Variants in ZBTB20 observed in about 807,000 individuals in gnomAD.
ZBTB20 encodes the protein zinc finger and BTB domain containing 20.
In ZBTB20, 9 loss-of-function variants were observed where a neutral mutation model predicts 56.9. The ratio of observed to expected loss-of-function variants is 0.16; its 90% CI spans 0.10 to 0.28. The LOEUF (loss-of-function observed/expected upper bound fraction) is 0.28. ZBTB20 is among the 10% of genes least tolerant of loss of function. ZBTB20 has a pLI of 1.00. For synonymous variants in ZBTB20, 417 were observed against 420.7 expected (o/e 0.99, Z 0.11); for missense variants, 655 against 1,003.0 (o/e 0.65, Z 4.69).
chr3:114,479,700 C>T (rs16822800), intron 7 of ZBTB20, among the ~76,000 whole-genome samples: 4,478 of 152,246 alleles, frequency 0.029, 148 homozygotes, highest in East Asian at 0.1. Flanking sequence ...AATGGCTCAG[C>T]GTTCTAGAAA....
intron 7 of ZBTB20, among the ~76,000 whole-genome samples, chr3:114,409,489 C>T (rs776163866): frequency 6.6e-6 from 1 of 151,602 alleles, no homozygotes; most frequent in Non-Finnish European, 1.5e-5. Context: ...ACAGCAGGAA[C>T]AAACAGAAGC....
chr3:115,000,968 T>C (rs978547932), intron 2 of ZBTB20, among the ~76,000 whole-genome samples: 11 of 151,400 alleles, frequency 7.3e-5, no homozygotes, highest in Non-Finnish European at 1.5e-4. Context: ...CATGCTTATG[T>C]CTACATTTAG....
At chr3:114,842,636 T>C (rs1443997903) in intron 4 of ZBTB20, among the ~76,000 whole-genome samples, 1 of 152,154 alleles carries the variant, frequency 6.6e-6, no homozygotes. Flanking sequence ...AAGGAACACT[T>C]CTTAGAATAA....
At chr3:115,027,962 T>C (rs924896220) in intron 2 of ZBTB20, among the ~76,000 whole-genome samples, 4 of 150,882 alleles carry the variant, frequency 2.7e-5, no homozygotes, top group Non-Finnish European at 4.5e-5. Flanking sequence ...ATGTATAACA[T>C]GTTTTTAAGT....
intron 5 of ZBTB20, among the ~76,000 whole-genome samples, chr3:114,695,792 A>G (rs1393379551): frequency 6.6e-6 from 1 of 151,998 alleles, no homozygotes; most frequent in Non-Finnish European, 1.5e-5. Flanking sequence ...TCTTTTGACA[A>G]TCAGGCACCT....
At chr3:114,751,685 A>T (rs1190891443) in intron 5 of ZBTB20, among the ~76,000 whole-genome samples, 2 of 152,158 alleles carry the variant, frequency 1.3e-5, no homozygotes, top group Non-Finnish European at 2.9e-5. Flanking sequence ...CTTTTAATAA[A>T]ACAAACCAAG....
At chr3:114,937,140 G>C (rs374627454) in intron 3 of ZBTB20, among the ~76,000 whole-genome samples, 1 of 152,156 alleles carries the variant, frequency 6.6e-6, no homozygotes, top group Non-Finnish European at 1.5e-5. Flanking sequence ...GCCAGTAATG[G>C]GATTGCTGGG....
At chr3:115,013,282 A>T (rs2079800105) in intron 2 of ZBTB20, among the ~76,000 whole-genome samples, 2 of 151,588 alleles carry the variant, frequency 1.3e-5, no homozygotes, top group African/African-American at 2.4e-5. Flanking sequence ...GTTGTTTTTT[A>T]AAAAAAGGTA....
chr3:114,962,018 G>A (rs2077471689), intron 3 of ZBTB20, among the ~76,000 whole-genome samples: 1 of 152,042 alleles, frequency 6.6e-6, no homozygotes, highest in Non-Finnish European at 1.5e-5. Flanking sequence ...ATTAATTACT[G>A]CTGTTGCATA....
In ZBTB20 at chr3:114,320,516, C is replaced by CT. The variant is rs1560052753; in HGVS notation, c.*18488dup. Reference sequence around the variant, plus strand: ...AGGAGCCAAGATTACATAATTCCAACTATGGTATGATTGGCAAGCACTGGT... The same window carrying CT: ...AGGAGCCAAGATTACATAATTCCAACTTATGGTATGATTGGCAAGCACTGGT... On this transcript the variant is annotated 3_prime_UTR_variant, in exon 12 of 12. Coordinates refer to ENST00000675478, the MANE Select transcript of ZBTB20 (RefSeq NM_001348800.3). 1 of 152,136 alleles carries CT rather than the reference C, an allele frequency of 6.6e-6. No homozygotes were observed. Among genetic ancestry groups the CT allele is most frequent in the Non-Finnish European group, 1.5e-5 (1 of 68,020 alleles). The allele number at this position is 152,136 out of a possible 1,614,324, so 9.4% of individuals were successfully genotyped here.
chr3:115,107,982 G>T (rs1402691882), intron 1 of ZBTB20, among the ~76,000 whole-genome samples: 2 of 152,158 alleles, frequency 1.3e-5, no homozygotes, highest in Non-Finnish European at 2.9e-5. Flanking sequence ...ACCAGGGCCT[G>T]TCGGCGGGTG....
At chr3:115,091,719 T>TAC (rs757797736) in intron 1 of ZBTB20, among the ~76,000 whole-genome samples, 115 of 147,722 alleles carry the variant, frequency 7.8e-4, no homozygotes, top group Middle Eastern at 3.6e-3. Context: ...AATACATACA[T>TAC]ATATATATAT....
At chr3:114,466,085 C>T (rs1301887004) in intron 7 of ZBTB20, among the ~76,000 whole-genome samples, 1 of 151,888 alleles carries the variant, frequency 6.6e-6, no homozygotes, top group African/African-American at 2.4e-5. Context: ...ATACTTAGAT[C>T]TCTAGGGAAG....
intron 6 of ZBTB20, among the ~76,000 whole-genome samples, chr3:114,693,150 CTCTT>C (rs1202765753): frequency 6.6e-6 from 1 of 152,154 alleles, no homozygotes; most frequent in East Asian, 1.9e-4. Context: ...CACCCTATCA[CTCTT>C]TCTGTCCACT....
intron 6 of ZBTB20, among the ~76,000 whole-genome samples, chr3:114,564,073 T>G (rs940891139): frequency 6.6e-6 from 1 of 152,134 alleles, no homozygotes; most frequent in Admixed American, 6.5e-5. Context: ...ATTCATTGGC[T>G]CATGATCTAT....
At chr3:114,997,125 A>G (rs1307250337) in intron 2 of ZBTB20, among the ~76,000 whole-genome samples, 1 of 151,900 alleles carries the variant, frequency 6.6e-6, no homozygotes, top group African/African-American at 2.4e-5. Context: ...CAGTTGAGGC[A>G]ACTAGAGAGG....
chr3:114,635,109 T>G (rs1340588376), intron 6 of ZBTB20, among the ~76,000 whole-genome samples: 2 of 152,176 alleles, frequency 1.3e-5, no homozygotes, highest in African/African-American at 4.8e-5. Context: ...TGTGCGACCA[T>G]TAGAACTTGG....
intron 6 of ZBTB20, among the ~76,000 whole-genome samples, chr3:114,661,906 T>C (rs546371273): frequency 1.1e-4 from 16 of 150,518 alleles, no homozygotes; most frequent in East Asian, 3.9e-4. Context: ...TTGCTTCTCT[T>C]TTTTTTTTTA....
At chr3:114,807,056 A>G (rs1051749469) in intron 4 of ZBTB20, among the ~76,000 whole-genome samples, 2 of 152,022 alleles carry the variant, frequency 1.3e-5, no homozygotes, top group Non-Finnish European at 2.9e-5. Flanking sequence ...TTTCAAAAGT[A>G]TTTTCACTAT....
Sources: allele counts gnomAD v4.1 joint callset (sites outside exome capture counted in the v4.1 genomes callset), GRCh38; gene constraint gnomAD v4.1.1; transcripts MANE v1.5; gene names NCBI Gene and HGNC (gene_info 2026-07-23, HGNC 2026-07-21).